The following CCNB3 variants were observed in gnomAD, a reference collection of about 807,000 sequenced individuals.
CCNB3 encodes the protein G2/mitotic-specific cyclin-B3.
A neutral mutation model predicts 68.0 loss-of-function variants in CCNB3; 12 were observed. That is an observed-to-expected ratio of 0.18 (90% CI 0.11 to 0.29). The LOEUF (loss-of-function observed/expected upper bound fraction) is 0.29. Ranked by LOEUF, CCNB3 falls within the 10% of genes least tolerant of loss-of-function variation. The pLI, the probability that CCNB3 is intolerant of heterozygous loss-of-function variation, is 1.00. For synonymous variants in CCNB3, 354 were observed against 388.9 expected (o/e 0.91, Z 1.06); for missense variants, 904 against 993.1 (o/e 0.91, Z 1.21).
At position 50,226,831 on chromosome X, in the gene CCNB3, AATATATATAGT is replaced by A. The variant is rs1400047185; in HGVS notation, c.-113+21892_-113+21902del. Among the ~76,000 whole-genome samples the A allele has an allele frequency of 1.3e-3, 95 of 75,016 alleles. 8 individuals carry two copies. Among genetic ancestry groups the A allele is most frequent in the African/African-American group, 5.2e-3 (90 of 17,321 alleles). 65.1% of individuals were successfully genotyped at this position (75,016 alleles called of 115,157 possible). A position where few individuals can be genotyped will look rare whatever the true frequency, so the allele number is the denominator to read the frequency against. ...TAGAGTATATATAAATATATACATG[AATATATATAGT>A]ATATATATAGAATATATATAGAATA... On this transcript the variant is annotated intron_variant, in intron 1 of 12. Coordinates refer to ENST00000376042, the MANE Select transcript of CCNB3 (RefSeq NM_033031.3).
At chrX:50,206,319 A>G (rs1256811578) in intron 1 of CCNB3, among the ~76,000 whole-genome samples, 1 of 111,122 alleles carries the variant, frequency 9.0e-6, no homozygotes, top group Non-Finnish European at 1.9e-5. Flanking sequence ...CTCCTGTAAT[A>G]CCAGCACCTT....
At position 50,311,298 on chromosome X, in the gene CCNB3, C is replaced by T. The variant is rs1557214929; in HGVS notation, c.3129C>T (p.Thr1043=). The T allele has an allele frequency of 1.7e-6, 2 of 1,211,603 alleles. No homozygotes were observed. Among genetic ancestry groups the T allele is most frequent in the Admixed American group, 4.3e-5 (2 of 45,994 alleles). ...AGAGTCCCACCTGCAAGGAAGACACCTTTCTGGAAACATTCTTGATCCCCC... is the reference window on the plus strand; with the variant it reads ...AGAGTCCCACCTGCAAGGAAGACACTTTTCTGGAAACATTCTTGATCCCCC... ...LQESPTCKED[T]FLETFLIPQI... is the part of the protein sequence containing the mutation. Residue 1043 remains threonine (T), a synonymous_variant, in exon 6 of 13, where the codon ACC becomes ACT. Transcript: ENST00000376042.
chrX:50,206,960 G>A (rs67634120), intron 1 of CCNB3, among the ~76,000 whole-genome samples: 163 of 111,057 alleles, frequency 1.5e-3, no homozygotes, highest in African/African-American at 4.8e-3. Context: ...TCACTAGGAG[G>A]TCGCAGCTGT....
intron 1 of CCNB3, among the ~76,000 whole-genome samples, chrX:50,226,501 T>A (rs1420849980): frequency 5.3e-4 from 25 of 47,565 alleles, no homozygotes; most frequent in African/African-American, 7.9e-4. Flanking sequence ...TATATAAAAA[T>A]ATATATATAG....
chrX:50,301,002 C>G (rs191385152), intron 5 of CCNB3, among the ~76,000 whole-genome samples: 234 of 111,289 alleles, frequency 2.1e-3, no homozygotes, highest in African/African-American at 6.6e-3. Context: ...TTAAGGACTT[C>G]TCTGCATTGG....
chrX:50,225,493 C>T (rs1935739102), intron 1 of CCNB3, among the ~76,000 whole-genome samples: 1 of 110,188 alleles, frequency 9.1e-6, no homozygotes, highest in African/African-American at 3.3e-5. Context: ...ATTTTTCCTT[C>T]TTAAAAAGAT....
At position 50,308,758 on chromosome X, in the gene CCNB3, CAGGAGGA is replaced by C; in HGVS notation, c.590_596del (p.Gln197ArgfsTer10). ...CTTACTGGAAAAGCTACAGCCCCTG[CAGGAGGA>C]GAGTGACAGTGATGATGCGTTTGTT... On this transcript the variant is annotated frameshift_variant, in exon 6 of 13. Transcript: ENST00000376042. LOFTEE classifies it high-confidence loss of function. The C allele has an allele frequency of 8.3e-7, 1 of 1,211,247 alleles. No individual in the cohort carries two copies. Among genetic ancestry groups the C allele is most frequent in the Non-Finnish European group, 1.1e-6 (1 of 895,222 alleles).
rs1461791616 is a variant in CCNB3, at chrX:50,307,032, T to C, written c.336-1473T>C. 2.7e-5 allele frequency among the ~76,000 whole-genome samples: 3 copies of C among 111,853 alleles called. No homozygotes were observed. In the Admixed American group the frequency reaches 2.9e-4, roughly 11 times the overall value. ...TTTCTTTGAAGAGTTAATGAAGAAC[T>C]GGTATTAATTATTGTTTAAATGTTT... On this transcript the variant is annotated intron_variant, in intron 5 of 12. Coordinates refer to ENST00000376042, the MANE Select transcript of CCNB3 (RefSeq NM_033031.3).
At chrX:50,215,220 A>T (rs1935553646) in intron 1 of CCNB3, among the ~76,000 whole-genome samples, 1 of 108,681 alleles carries the variant, frequency 9.2e-6, no homozygotes, top group African/African-American at 3.4e-5. Flanking sequence ...GGATCTCCTG[A>T]CCTCGTGATC....
At chrX:50,223,678 C>T (rs1207011288) in intron 1 of CCNB3, among the ~76,000 whole-genome samples, 1 of 112,393 alleles carries the variant, frequency 8.9e-6, no homozygotes, top group African/African-American at 3.2e-5. Flanking sequence ...CCAGCCAGAG[C>T]TCTCCTGTAT....
At chrX:50,322,596 T>C (rs1489672363) in intron 8 of CCNB3, among the ~76,000 whole-genome samples, 28 of 111,706 alleles carry the variant, frequency 2.5e-4, no homozygotes, top group Non-Finnish European at 5.1e-4. Context: ...CTAAAGAGCT[T>C]CTGCACAGCA....
chrX:50,207,843 C>T (rs1221463720), intron 1 of CCNB3, among the ~76,000 whole-genome samples: 39 of 111,137 alleles, frequency 3.5e-4, no homozygotes, highest in Admixed American at 3.3e-3. Context: ...CAACCATTAC[C>T]ATAATCAATT....
chrX:50,221,358 G>A (rs978236836), intron 1 of CCNB3, among the ~76,000 whole-genome samples: 16 of 111,273 alleles, frequency 1.4e-4, no homozygotes, highest in Non-Finnish European at 2.3e-4. Flanking sequence ...TCTTTTCATT[G>A]TGATGTTAGG....
intron 5 of CCNB3, among the ~76,000 whole-genome samples, chrX:50,302,236 G>T (rs1936659782): frequency 8.9e-6 from 1 of 111,925 alleles, no homozygotes; most frequent in South Asian, 3.7e-4. Context: ...CATGCTGGGA[G>T]CTGTAGACTG....
intron 1 of CCNB3, among the ~76,000 whole-genome samples, chrX:50,279,426 A>T (rs1209989115): frequency 2.7e-5 from 2 of 73,422 alleles, no homozygotes; most frequent in Non-Finnish European, 4.5e-5. Flanking sequence ...ATATATAAAT[A>T]TATATAAATA....
At chrX:50,228,175 AATACAT>A (rs1352484352) in intron 1 of CCNB3, among the ~76,000 whole-genome samples, 1 of 91,810 alleles carries the variant, frequency 1.1e-5, no homozygotes, top group African/African-American at 3.9e-5. Context: ...TGCATATATA[AATACAT>A]ATACATAGAA....
At chrX:50,226,204 ATATATATTTATATATATAGAAT>A in intron 1 of CCNB3, among the ~76,000 whole-genome samples, 2 of 66,606 alleles carry the variant, frequency 3.0e-5, no homozygotes, top group African/African-American at 1.5e-4. Flanking sequence ...TATATAGAAT[ATATATATTTATATATATAGAAT>A]ATATATATTT....
rs59092414 is a variant in CCNB3, at chrX:50,332,769, C to T, written c.3517-9433C>T. Among the ~76,000 whole-genome samples the T allele has an allele frequency of 6.3e-3, 704 of 111,740 alleles. 5 individuals carry two copies. Among genetic ancestry groups the T allele is most frequent in the African/African-American group, 0.022 (676 of 30,728 alleles). On this transcript the variant is annotated intron_variant, in intron 8 of 12. Transcript: ENST00000376042. ...GCTACATTCCAATCCTTCATCCACACGTGGTCACCTGGAGAGAAAGGGTGA... is the reference window on the plus strand; with the variant it reads ...GCTACATTCCAATCCTTCATCCACATGTGGTCACCTGGAGAGAAAGGGTGA...
At position 50,309,854 on chromosome X, in the gene CCNB3, C is replaced by A. The variant is rs1557214349; in HGVS notation, c.1685C>A (p.Ser562Tyr). The stretch of plus-strand genomic sequence containing the variant: ...GATATGATTGGTGAAGATAAGAATT[C>A]TTTCTTTATGGAGCCAATGTCATTT... ...FQDMIGEDKN[S>Y]FFMEPMSFRK... Residue 562 changes from serine (S) to tyrosine (Y), a missense_variant, in exon 6 of 13, where the codon TCT becomes TAT. Transcript: ENST00000376042. 6.6e-6 allele frequency: 8 copies of A among 1,210,533 alleles called. No individual in the cohort carries two copies. The highest frequency in any genetic ancestry group is 7.8e-6 in the Non-Finnish European group (7 of 894,614).
Sources: gnomAD v4.1 joint callset for allele counts (sites outside exome capture counted in the v4.1 genomes callset) on GRCh38, gnomAD v4.1.1 for gene constraint, MANE v1.5 for transcripts, NCBI Gene and HGNC (gene_info 2026-07-23, HGNC 2026-07-21) for gene names.